Variants in UBE3D observed in about 807,000 individuals in gnomAD.
UBE3D encodes ubiquitin protein ligase E3D.
In UBE3D, 48 loss-of-function variants were observed where a neutral mutation model predicts 49.6. The observed-to-expected ratio is 0.97, with a 90% confidence interval of 0.77 to 1.23. The LOEUF (loss-of-function observed/expected upper bound fraction) is 1.23. UBE3D is among the 50% of genes most tolerant of loss of function. The pLI, the probability that UBE3D is intolerant of heterozygous loss-of-function variation, is 0.00. For synonymous variants in UBE3D, 189 were observed against 174.2 expected, an observed-to-expected ratio of 1.08 and a Z score of -0.67; for missense variants, 452 against 468.4, an observed-to-expected ratio of 0.96 and a Z score of 0.32.
intron 5 of UBE3D, among the ~76,000 whole-genome samples, chr6:83,031,441 T>C (rs930833738): frequency 2.0e-5 from 3 of 152,238 alleles, no homozygotes; most frequent in Non-Finnish European, 4.4e-5. Flanking sequence ...CCTGCTTGCA[T>C]CTTGCATCAG....
chr6:82,985,351 TTTTTGTTTTGTTTTG>T (rs200511813), intron 8 of UBE3D, among the ~76,000 whole-genome samples: 2 of 152,034 alleles, frequency 1.3e-5, no homozygotes, highest in South Asian at 4.1e-4. Flanking sequence ...TGGTTTTGTT[TTTTTGTTTTGTTTTG>T]TTTTGTTTTG....
intron 9 of UBE3D, among the ~76,000 whole-genome samples, chr6:82,941,693 G>A (rs901407790): frequency 6.6e-6 from 1 of 152,124 alleles, no homozygotes; most frequent in Non-Finnish European, 1.5e-5. Flanking sequence ...TCGGATCATG[G>A]GGGCAGCTTC....
At chr6:82,929,373 G>A (rs1296626423) in intron 9 of UBE3D, among the ~76,000 whole-genome samples, 1 of 152,064 alleles carries the variant, frequency 6.6e-6, no homozygotes, top group Non-Finnish European at 1.5e-5. Flanking sequence ...AAGCTTTTTT[G>A]ACAATTAAGG....
At chr6:82,956,347 A>G (rs1288141540) in intron 9 of UBE3D, among the ~76,000 whole-genome samples, 1 of 152,212 alleles carries the variant, frequency 6.6e-6, no homozygotes, top group Non-Finnish European at 1.5e-5. Flanking sequence ...AACTTAAGCC[A>G]CAAGTTAACA....
rs910624037 is a variant in UBE3D at position 83,004,407 on chromosome 6, C to A, written c.1010+14566G>T. 1.3e-5 allele frequency among the ~76,000 whole-genome samples: 2 copies of A among 152,166 alleles called. 1 individual carries two copies. The highest frequency in any genetic ancestry group is 1.3e-4 in the Admixed American group (2 of 15,290). On this transcript the variant is annotated intron_variant, in intron 8 of 9. Transcript: ENST00000369747. ...TCTGGTTTTGTCAGTAACATACTGA[C>A]TAACTGAAGTTATTTCTCTTTTTTG...
At chr6:83,012,904 AG>A (rs1290527728) in intron 8 of UBE3D, among the ~76,000 whole-genome samples, 1 of 152,198 alleles carries the variant, frequency 6.6e-6, no homozygotes, top group Admixed American at 6.5e-5. Context: ...GTCCACTTTC[AG>A]GTGGTACCCG....
At chr6:82,888,329 G>T (rs1770925742), downstream of UBE3D, among the ~76,000 whole-genome samples, 1 of 150,320 alleles carries the variant, frequency 6.7e-6, no homozygotes, top group African/African-American at 2.5e-5. Context: ...CAGATTTATT[G>T]AAATTTGCAA....
Position 83,057,010 on chromosome 6 carries a change from T to G in UBE3D, c.274+816A>C, listed in dbSNP as rs565960475. ...TTATACAATAAATAACCCTGAGGTC[T>G]TAGAAAAAGCAAATTTTCCACTGCC... is the stretch of plus-strand genomic sequence containing the variant. On this transcript the variant is annotated intron_variant, in intron 2 of 9. Coordinates refer to ENST00000369747, the MANE Select transcript of UBE3D (RefSeq NM_198920.3). Among the ~76,000 whole-genome samples the G allele has an allele frequency of 5.1e-4, 78 of 152,344 alleles. No individual in the cohort carries two copies. In the Middle Eastern group the frequency reaches 0.017, roughly 33 times the overall value.
chr6:82,951,464 C>T (rs1053899091), intron 9 of UBE3D, among the ~76,000 whole-genome samples: 13 of 152,130 alleles, frequency 8.5e-5, no homozygotes, highest in Admixed American at 4.6e-4. Context: ...ACTCAGGGAC[C>T]AAGGCTATGA....
the UBE3D span, among the ~76,000 whole-genome samples, chr6:82,884,502 T>A: frequency 5.5e-3 from 840 of 152,236 alleles, 6 homozygotes; most frequent in African/African-American, 0.018. Flanking sequence ...AGGATAAGAA[T>A]CAGATAAATA....
intron 5 of UBE3D, chr6:83,032,418 T>G (rs9449568): frequency 5.4e-6 from 2 of 372,690 alleles, no homozygotes; most frequent in African/African-American, 4.2e-5. Flanking sequence ...TTGGCCAATT[T>G]CTCCTATTTG....
intron 5 of UBE3D, among the ~76,000 whole-genome samples, chr6:83,025,486 G>A (rs2127779915): frequency 6.6e-6 from 1 of 151,874 alleles, no homozygotes; most frequent in East Asian, 1.9e-4. Context: ...AAGGTGTACT[G>A]CTGGATACGC....
chr6:82,899,806 C>T (rs2127715995), intron 9 of UBE3D, among the ~76,000 whole-genome samples: 1 of 152,312 alleles, frequency 6.6e-6, no homozygotes, highest in East Asian at 1.9e-4. Context: ...CTGTAGTGAA[C>T]AAGCAGTTCT....
At chr6:82,888,918 TGAG>T (rs1770934844), downstream of UBE3D, among the ~76,000 whole-genome samples, 1 of 152,266 alleles carries the variant, frequency 6.6e-6, no homozygotes, top group East Asian at 1.9e-4. Context: ...GTTTTGATGA[TGAG>T]CTCTGATTCA....
At chr6:82,883,000 C>T in the UBE3D span, among the ~76,000 whole-genome samples, 1 of 152,090 alleles carries the variant, frequency 6.6e-6, no homozygotes, top group African/African-American at 2.4e-5. Context: ...CCACTTTACA[C>T]AAAGTTTCCA....
chr6:82,920,851 A>AC (rs1773279057), intron 9 of UBE3D, among the ~76,000 whole-genome samples: 2 of 150,776 alleles, frequency 1.3e-5, no homozygotes, highest in Non-Finnish European at 3.0e-5. Flanking sequence ...AAACAAACAA[A>AC]AAAGGAAGAA....
chr6:83,005,587 A>T (rs1779918882), intron 8 of UBE3D, among the ~76,000 whole-genome samples: 1 of 151,688 alleles, frequency 6.6e-6, no homozygotes. Flanking sequence ...GTTTAAGACC[A>T]GCCTGGGCAA....
chr6:82,934,753 T>C (rs1184834129), intron 9 of UBE3D, among the ~76,000 whole-genome samples: 1 of 150,788 alleles, frequency 6.6e-6, no homozygotes, highest in East Asian at 2.0e-4. Flanking sequence ...GTTAATATCT[T>C]CATAGAGATT....
chr6:83,059,580 C>A (rs1582774416), intron 1 of UBE3D, among the ~76,000 whole-genome samples: 1 of 152,222 alleles, frequency 6.6e-6, no homozygotes, highest in South Asian at 2.1e-4. Flanking sequence ...GCAAGAGATA[C>A]CACTGGGTTC....
Sources: allele counts gnomAD v4.1 joint callset (sites outside exome capture counted in the v4.1 genomes callset), GRCh38; gene constraint gnomAD v4.1.1; transcripts MANE v1.5; gene names NCBI Gene and HGNC (gene_info 2026-07-23, HGNC 2026-07-21).